LRRK1: variants seen among roughly 807,000 people sequenced by gnomAD.
LRRK1 encodes leucine rich repeat kinase 1, also known as leucine-rich repeat serine/threonine-protein kinase 1.
A neutral mutation model predicts 209.1 loss-of-function variants in LRRK1; 113 were observed. The ratio of observed to expected loss-of-function variants is 0.54; its 90% CI spans 0.46 to 0.63. The LOEUF (loss-of-function observed/expected upper bound fraction) is 0.63, where lower values mean the gene tolerates loss of function less well. Ranked by LOEUF, LRRK1 falls within the 30% of genes least tolerant of loss-of-function variation. LRRK1 has a pLI of 0.00. For missense variants in LRRK1, 2,284 were observed against 2,632.2 expected, an observed-to-expected ratio of 0.87 and a Z score of 2.89; for synonymous variants, 1,144 against 1,099.7, an observed-to-expected ratio of 1.04 and a Z score of -0.80.
At chr15:100,937,034 T>C (rs549782298) in intron 2 of LRRK1, among the ~76,000 whole-genome samples, 3 of 152,250 alleles carry the variant, frequency 2.0e-5, no homozygotes, top group Non-Finnish European at 4.4e-5. Context: ...TGGTGCTTTT[T>C]AATGGGTAGA....
rs201500206 is a variant in LRRK1, at chr15:101,055,058, G to A, written c.4167G>A (p.Ser1389=). ...KKNIIFCDLK[S]DNILVWSLDV... Reference sequence around the variant, plus strand: ...ACATCATCTTCTGTGACCTGAAGTCGGACAACATTCTGGTGTGGTCCCTTG... The same window carrying A: ...ACATCATCTTCTGTGACCTGAAGTCAGACAACATTCTGGTGTGGTCCCTTG... The change falls in exon 27 of 34, where the codon TCG becomes TCA. Residue 1389 remains serine, a synonymous_variant. Coordinates refer to ENST00000388948, the MANE Select transcript of LRRK1 (RefSeq NM_024652.6). The A allele has an allele frequency of 1.7e-5, 27 of 1,613,992 alleles. 1 individual carries two copies. The highest frequency in any genetic ancestry group is 2.2e-5 in the East Asian group (1 of 44,894).
At chr15:101,021,767 CGTGTGTGCGTGTGTGTGT>C (rs1206046818) in intron 13 of LRRK1, 60 bp from the exon 14 acceptor site, 8 of 901,380 alleles carry the variant, frequency 8.9e-6, no homozygotes, top group South Asian at 3.1e-5. Flanking sequence ...ACAGGAGCCA[CGTGTGTGCGTGTGTGTGT>C]GTGTGTGTGT....
intron 2 of LRRK1, among the ~76,000 whole-genome samples, chr15:100,962,810 TATATATATA>T (rs1290755553): frequency 3.3e-5 from 1 of 30,234 alleles, no homozygotes; most frequent in African/African-American, 1.1e-4. Flanking sequence ...TATATATATA[TATATATATA>T]TATATTTTTT....
At chr15:101,031,989 C>T (rs1273042776) in intron 20 of LRRK1, among the ~76,000 whole-genome samples, 1 of 152,230 alleles carries the variant, frequency 6.6e-6, no homozygotes, top group East Asian at 1.9e-4. Context: ...CTGCCTTGGC[C>T]TCCCAAAGTG....
Position 101,077,301 on chromosome 15 carries a change from T to C in LRRK1, c.*8453T>C, listed in dbSNP as rs1407886184. On this transcript the variant is annotated 3_prime_UTR_variant, in exon 34 of 34. Transcript: ENST00000388948. ...ATCCCTACTATCTTCTGTCTAGTCG[T>C]ACTCCTATTCACCATTCTCAACTAC... 2 of 152,244 alleles carry C rather than the reference T, an allele frequency of 1.3e-5. No individual in the cohort carries two copies. Among genetic ancestry groups the C allele is most frequent in the Admixed American group, 1.3e-4 (2 of 15,284 alleles). The allele number at this position is 152,244 out of a possible 1,614,324, so 9.4% of individuals were successfully genotyped here. A position where few individuals can be genotyped will look rare whatever the true frequency, so the allele number is the denominator to read the frequency against.
At chr15:100,946,976 T>C (rs2042550736) in intron 2 of LRRK1, among the ~76,000 whole-genome samples, 1 of 152,208 alleles carries the variant, frequency 6.6e-6, no homozygotes, top group Non-Finnish European at 1.5e-5. Context: ...CTTTTTTCTT[T>C]TTCTTTTTTT....
rs1567238799 is a variant in LRRK1, at chr15:101,021,869, T to C, written c.1764T>C (p.Pro588=). 6.2e-7 allele frequency: 1 copy of C among 1,613,850 alleles called. No individual in the cohort carries two copies. Among genetic ancestry groups the C allele is most frequent in the Non-Finnish European group, 8.5e-7 (1 of 1,179,866 alleles). Residue 588 remains proline (P), a synonymous_variant, in exon 14 of 34, where the codon CCT becomes CCC. Transcript: ENST00000388948. Reference sequence around the variant, plus strand: ...GCAACCCTGGCCTCCGGGAGCTCCCTCCTGAGCTGGGGCAGCTGGGCAACC... The same window carrying C: ...GCAACCCTGGCCTCCGGGAGCTCCCCCCTGAGCTGGGGCAGCTGGGCAACC... ...LGNNPGLREL[P]PELGQLGNLW...
intron 33 of LRRK1, chr15:101,067,387 G>A (rs567160649): frequency 4.3e-4 from 190 of 438,136 alleles, no homozygotes; most frequent in Non-Finnish European, 7.9e-4. Context: ...AGCCCCACAC[G>A]GTAAATCTCC....
At chr15:100,968,496 G>A (rs562115846) in intron 2 of LRRK1, among the ~76,000 whole-genome samples, 2 of 152,302 alleles carry the variant, frequency 1.3e-5, no homozygotes, top group East Asian at 3.9e-4. Flanking sequence ...TCACCAAGTA[G>A]TGTTGGCCTT....
At chr15:100,974,041 C>T in intron 3 of LRRK1, 74 bp downstream of exon 3, 3 of 1,178,586 alleles carry the variant, frequency 2.5e-6, no homozygotes, top group Non-Finnish European at 3.2e-6. Flanking sequence ...AGATGATTTT[C>T]TCGTTATTGT....
At chr15:101,045,666 C>A (rs2035031544) in intron 20 of LRRK1, among the ~76,000 whole-genome samples, 1 of 152,200 alleles carries the variant, frequency 6.6e-6, no homozygotes, top group African/African-American at 2.4e-5. Context: ...AATTGAGTCC[C>A]ATTTGCTGTG....
At chr15:101,068,028 G>A (rs758731163) in intron 33 of LRRK1, among the ~76,000 whole-genome samples, 1 of 152,136 alleles carries the variant, frequency 6.6e-6, no homozygotes, top group Non-Finnish European at 1.5e-5. Flanking sequence ...CACGCAGGCC[G>A]CACACACGGG....
intron 2 of LRRK1, among the ~76,000 whole-genome samples, chr15:100,932,630 A>C (rs2042232085): frequency 6.6e-6 from 1 of 152,238 alleles, no homozygotes; most frequent in South Asian, 2.1e-4. Context: ...AGAAGGGACT[A>C]TAATATAGGA....
intron 6 of LRRK1, among the ~76,000 whole-genome samples, chr15:101,004,286 G>A (rs933871441): frequency 5.9e-5 from 9 of 152,192 alleles, no homozygotes; most frequent in African/African-American, 2.2e-4. Context: ...GGAGCCAACT[G>A]GGGGGCTGTC....
intron 12 of LRRK1, among the ~76,000 whole-genome samples, chr15:101,017,639 T>G (rs990479507): frequency 6.6e-6 from 1 of 152,100 alleles, no homozygotes; most frequent in African/African-American, 2.4e-5. Flanking sequence ...GCCCTCCTTA[T>G]GAGAATCTAA....
intron 2 of LRRK1, among the ~76,000 whole-genome samples, chr15:100,946,831 A>G (rs2042548059): frequency 6.6e-6 from 1 of 152,232 alleles, no homozygotes; most frequent in African/African-American, 2.4e-5. Flanking sequence ...AATTAGAACT[A>G]TTCAGTAGCA....
At chr15:100,956,455 C>CTTTTTCTTTTA in intron 2 of LRRK1, among the ~76,000 whole-genome samples, 1 of 60,534 alleles carries the variant, frequency 1.7e-5, no homozygotes. Flanking sequence ...TTTTTTTTTT[C>CTTTTTCTTTTA]TTTTTTTTTT....
intron 6 of LRRK1, among the ~76,000 whole-genome samples, chr15:101,006,434 AAAAGT>A (rs374723403): frequency 2.2e-3 from 328 of 152,280 alleles, no homozygotes; most frequent in African/African-American, 7.5e-3. Context: ...CAGATGAAAG[AAAAGT>A]AAAGAAACAT....
chr15:101,052,961 C>T lies in LRRK1; in HGVS notation c.3729C>T (p.Asp1243=), dbSNP rs1231002338. 21 of 1,611,634 alleles carry T rather than the reference C, an allele frequency of 1.3e-5. No individual in the cohort carries two copies. Among genetic ancestry groups the T allele is most frequent in the African/African-American group, 5.3e-5 (4 of 74,920 alleles). ...LENSKLEHSE[D]EGSVLGQGGS... The stretch of plus-strand genomic sequence containing the variant: ...ACAGCAAGCTGGAGCACAGCGAGGA[C>T]GAGGGCAGCGTCCTGGGCCAGGGCG... Residue 1243 remains aspartate, a synonymous_variant, in exon 25 of 34, where the codon GAC becomes GAT. Transcript: ENST00000388948.
Sources: gnomAD v4.1 joint callset for allele counts (sites outside exome capture counted in the v4.1 genomes callset) on GRCh38, gnomAD v4.1.1 for gene constraint, MANE v1.5 for transcripts, NCBI Gene and HGNC (gene_info 2026-07-23, HGNC 2026-07-21) for gene names.